LRRC37A: variants seen among roughly 807,000 people sequenced by gnomAD.
LRRC37A encodes leucine rich repeat containing 37A.
In LRRC37A, 3 loss-of-function variants were observed where a neutral mutation model predicts 35.4. The observed-to-expected ratio is 0.08, with a 90% CI of 0.04 to 0.22. The LOEUF is 0.22. LRRC37A is among the 10% of genes least tolerant of loss of function. The pLI is 1.00. For missense variants in LRRC37A, 67 were observed against 565.3 expected, an observed-to-expected ratio of 0.12 and a Z score of 8.94; for synonymous variants, 23 against 215.0, an observed-to-expected ratio of 0.11 and a Z score of 7.81.
the LRRC37A span, among the ~76,000 whole-genome samples, chr17:46,260,853 C>G: frequency 6.6e-6 from 1 of 152,132 alleles, no homozygotes; most frequent in Non-Finnish European, 1.5e-5. Context: ...AAACTCCCGA[C>G]CTCAGGTGAT....
upstream of LRRC37A, among the ~76,000 whole-genome samples, chr17:46,291,985 A>AAAAAAAAAAAAAAAAAAAC (rs1360524355): frequency 1.6e-3 from 121 of 76,572 alleles, 5 homozygotes; most frequent in Middle Eastern, 0.01. Context: ...AAAAAAAAAA[A>AAAAAAAAAAAAAAAAAAAC]AAGCCAATAA....
chr17:46,288,696 C>CTTTTTTTTTTTT, upstream of LRRC37A, among the ~76,000 whole-genome samples: 1 of 148,010 alleles, frequency 6.8e-6, no homozygotes, highest in Non-Finnish European at 1.5e-5. Flanking sequence ...TTTACTGCAT[C>CTTTTTTTTTTTT]TTGTTTTTTC....
chr17:46,257,733 G>A, the LRRC37A span, among the ~76,000 whole-genome samples: 39 of 151,200 alleles, frequency 2.6e-4, 1 homozygote, highest in Middle Eastern at 3.4e-3. Context: ...GAGATGGGAG[G>A]ATCCCTTGAG....
Position 46,326,948 on chromosome 17 carries a change from G to C in LRRC37A, c.3054-1444G>C, listed in dbSNP as rs990670556. ...CCTCTTTTGCCCAAATTTACGTATT[G>C]GAAAAAATTCAAACAAGCCAGAAAG... On this transcript the variant is annotated intron_variant, in intron 7 of 13. Coordinates refer to ENST00000320254, the Ensembl canonical transcript of LRRC37A. Among the ~76,000 whole-genome samples the C allele has an allele frequency of 4.6e-4, 32 of 70,178 alleles. 2 individuals carry two copies. Among genetic ancestry groups the C allele is most frequent in the Non-Finnish European group, 9.7e-4 (26 of 26,804 alleles). The allele number at this position is 70,178 out of a possible 152,430, so 46.0% of individuals were successfully genotyped here. A position where few individuals can be genotyped will look rare whatever the true frequency, so the allele number is the denominator to read the frequency against.
At chr17:46,285,239 TC>T in the LRRC37A span, among the ~76,000 whole-genome samples, 1 of 149,314 alleles carries the variant, frequency 6.7e-6, no homozygotes, top group African/African-American at 2.5e-5. Context: ...TTCTTTTCTT[TC>T]CTTTTTTTTT....
At chr17:46,291,969 C>CAAAA (rs59554870), upstream of LRRC37A, among the ~76,000 whole-genome samples, 4,535 of 56,632 alleles carry the variant, frequency 0.08, 23 homozygotes, top group Non-Finnish European at 0.1. Flanking sequence ...TCTCAAAAAG[C>CAAAA]AAAAAAAAAA....
upstream of LRRC37A, chr17:46,292,935 C>T (rs1207540882): frequency 4.0e-5 from 2 of 49,962 alleles, 1 homozygote; most frequent in Non-Finnish European, 1.2e-4. Context: ...TATAGGTATA[C>T]CATTTTTATC....
At chr17:46,283,203 T>C in the LRRC37A span, among the ~76,000 whole-genome samples, 3 of 152,192 alleles carry the variant, frequency 2.0e-5, no homozygotes, top group African/African-American at 7.2e-5. Flanking sequence ...CCATACCAAT[T>C]TATACCCCCA....
chr17:46,272,946 T>C, the LRRC37A span, among the ~76,000 whole-genome samples: 2 of 152,236 alleles, frequency 1.3e-5, no homozygotes, highest in Non-Finnish European at 2.9e-5. Context: ...AACCAACCGT[T>C]GCTTCATTAG....
At chr17:46,280,459 C>T in the LRRC37A span, among the ~76,000 whole-genome samples, 1 of 152,090 alleles carries the variant, frequency 6.6e-6, no homozygotes, top group South Asian at 2.1e-4. Context: ...GGGAGGATCG[C>T]TTGAGCTCAG....
chr17:46,325,707 G>A lies in LRRC37A; in HGVS notation c.3053+2680G>A, dbSNP rs1360434123. ...GTGATGATAGTCCTCTGGTTATGTC[G>A]GAGAATGCCTTGGTTCTTAGGGGCT... On this transcript the variant is annotated intron_variant, in intron 7 of 13. Coordinates refer to ENST00000320254, the Ensembl canonical transcript of LRRC37A. Among the ~76,000 whole-genome samples the A allele has an allele frequency of 3.5e-4, 28 of 79,906 alleles. 5 individuals carry two copies. Among genetic ancestry groups the A allele is most frequent in the African/African-American group, 7.3e-4 (23 of 31,452 alleles). The allele number at this position is 79,906 out of a possible 152,430, so 52.4% of individuals were successfully genotyped here.
At chr17:46,264,615 G>T in the LRRC37A span, among the ~76,000 whole-genome samples, 3 of 152,224 alleles carry the variant, frequency 2.0e-5, no homozygotes, top group African/African-American at 7.2e-5. Flanking sequence ...TAATAAACTG[G>T]CATTCTGGCT....
At chr17:46,287,756 A>G (rs76529920), upstream of LRRC37A, among the ~76,000 whole-genome samples, 6,895 of 129,996 alleles carry the variant, frequency 0.053, no homozygotes, top group Non-Finnish European at 0.087. Flanking sequence ...AAGGATGCAA[A>G]GATAGTTATC....
chr17:46,248,473 A>G, the LRRC37A span, among the ~76,000 whole-genome samples: 1 of 152,026 alleles, frequency 6.6e-6, no homozygotes, highest in Non-Finnish European at 1.5e-5. Flanking sequence ...TATCTTATAA[A>G]TGAAATCATA....
In LRRC37A at chr17:46,307,944, G is replaced by A. The variant is rs1490922222; in HGVS notation, c.2906+1635G>A. Reference sequence around the variant, plus strand: ...GGAGAATCACTTGAAACCAGGAGGCGGAGGTTGCAGTGAGCCGAGATGGCA... The same window carrying A: ...GGAGAATCACTTGAAACCAGGAGGCAGAGGTTGCAGTGAGCCGAGATGGCA... On this transcript the variant is annotated intron_variant, in intron 5 of 13. Transcript: ENST00000320254. Among the ~76,000 whole-genome samples the A allele has an allele frequency of 2.7e-5, 2 of 74,844 alleles. 1 individual carries two copies. Among genetic ancestry groups the A allele is most frequent in the East Asian group, 5.1e-4 (2 of 3,916 alleles). The allele number at this position is 74,844 out of a possible 152,430, so 49.1% of individuals were successfully genotyped here. A position where few individuals can be genotyped will look rare whatever the true frequency, so the allele number is the denominator to read the frequency against.
At chr17:46,279,309 A>G in the LRRC37A span, among the ~76,000 whole-genome samples, 1 of 148,838 alleles carries the variant, frequency 6.7e-6, no homozygotes, top group Non-Finnish European at 1.5e-5. Context: ...TCAGCCTCCC[A>G]AGTAGCGAGG....
At chr17:46,291,613 T>C (rs2050069354), upstream of LRRC37A, among the ~76,000 whole-genome samples, 1 of 151,336 alleles carries the variant, frequency 6.6e-6, no homozygotes, top group East Asian at 1.9e-4. Context: ...AAAATGAAAA[T>C]GTGTAATATG....
chr17:46,267,242 G>A, the LRRC37A span: 1 of 797,228 alleles, frequency 1.3e-6, no homozygotes, highest in Non-Finnish European at 1.9e-6. Context: ...CGACCCATGC[G>A]GGCCGTTTCG....
At chr17:46,266,809 C>T in the LRRC37A span, among the ~76,000 whole-genome samples, 46 of 151,794 alleles carry the variant, frequency 3.0e-4, no homozygotes, top group African/African-American at 1.1e-3. Flanking sequence ...AGGCCGCACA[C>T]GCTCCCACAG....
Sources: allele counts gnomAD v4.1 joint callset (sites outside exome capture counted in the v4.1 genomes callset), GRCh38; gene constraint gnomAD v4.1.1; transcripts MANE v1.5; gene names NCBI Gene and HGNC (gene_info 2026-07-23, HGNC 2026-07-21).